The following ABCD3 variants were observed in gnomAD, a reference collection of about 807,000 sequenced individuals.
ABCD3 encodes the protein ATP-binding cassette sub-family D member 3.
Under a neutral mutation model 105.5 loss-of-function variants are expected in ABCD3, and 41 were observed. The observed-to-expected ratio is 0.39, with a 90% CI of 0.30 to 0.50. The LOEUF (loss-of-function observed/expected upper bound fraction) is 0.50, where lower values mean the gene tolerates loss of function less well. Ranked by LOEUF, ABCD3 falls within the 20% of genes least tolerant of loss-of-function variation. ABCD3 has a pLI of 0.84. For missense variants in ABCD3, 622 were observed against 806.3 expected, an observed-to-expected ratio of 0.77 and a Z score of 2.77; for synonymous variants, 258 against 269.0, an observed-to-expected ratio of 0.96 and a Z score of 0.40.
intron 1 of ABCD3, among the ~76,000 whole-genome samples, chr1:94,451,009 GA>G (rs2100939032): frequency 6.6e-6 from 1 of 152,220 alleles, no homozygotes; most frequent in African/African-American, 2.4e-5. Context: ...TTAGCCATGT[GA>G]AATCTCTTAA....
chr1:94,408,453 G>T, the ABCD3 span, among the ~76,000 whole-genome samples: 1 of 152,058 alleles, frequency 6.6e-6, no homozygotes, highest in South Asian at 2.1e-4. Flanking sequence ...AATTAGCTGG[G>T]CGTAGTGGCG....
intron 21 of ABCD3, among the ~76,000 whole-genome samples, chr1:94,510,980 A>T (rs567209749): frequency 6.6e-6 from 1 of 152,166 alleles, no homozygotes; most frequent in South Asian, 2.1e-4. Context: ...TGGAGCATTT[A>T]GTCCATTTAC....
At chr1:94,471,051 C>T (rs1648432226) in intron 4 of ABCD3, among the ~76,000 whole-genome samples, 3 of 152,186 alleles carry the variant, frequency 2.0e-5, no homozygotes, top group Non-Finnish European at 4.4e-5. Flanking sequence ...GCCTTAAACA[C>T]TTACTAGAAG....
intron 20 of ABCD3, 126 bp downstream of exon 20, chr1:94,499,740 T>G (rs1335321986): frequency 1.9e-5 from 23 of 1,230,678 alleles, no homozygotes; most frequent in Non-Finnish European, 2.5e-5. Flanking sequence ...TAGTTTAAAT[T>G]ATCATAAAAG....
At chr1:94,471,300 G>A (rs1648445958) in intron 4 of ABCD3, among the ~76,000 whole-genome samples, 1 of 151,978 alleles carries the variant, frequency 6.6e-6, no homozygotes, top group African/African-American at 2.4e-5. Context: ...GCTCATACCT[G>A]TAATCCCAAC....
chr1:94,471,010 C>G (rs1648430204), intron 4 of ABCD3, among the ~76,000 whole-genome samples: 1 of 152,064 alleles, frequency 6.6e-6, no homozygotes, highest in African/African-American at 2.4e-5. Context: ...TTCTGTGACT[C>G]TTGGCTGTGA....
At chr1:94,397,071 T>A in the ABCD3 span, among the ~76,000 whole-genome samples, 9 of 152,352 alleles carry the variant, frequency 5.9e-5, no homozygotes, top group South Asian at 1.9e-3. Flanking sequence ...CTTTTTTTTA[T>A]TGTGGCACTG....
In ABCD3 at chr1:94,475,647, C is replaced by G. The variant is rs1648704465; in HGVS notation, c.537C>G (p.Asp179Glu). ...CATATTATAAAATGGGGAATCTGGA[C>G]AACAGAATAGCTAATCCAGACCAGC... Reference protein sequence around the residue: ...AFTYYKMGNLDNRIANPDQLL... With the variant: ...AFTYYKMGNLENRIANPDQLL... The change falls in exon 7 of 23, where the codon GAC (aspartate) becomes GAG (glutamate). Residue 179 changes from aspartate (D) to glutamate (E), a missense_variant. This residue lies in a region of ABCD3 where 245 missense variants were observed against 356.4 expected (regional missense o/e 0.69). Coordinates refer to ENST00000370214, the MANE Select transcript of ABCD3 (RefSeq NM_002858.4). The G allele has an allele frequency of 6.2e-7, 1 of 1,612,058 alleles. No homozygotes were observed. Among genetic ancestry groups the G allele is most frequent in the African/African-American group, 1.3e-5 (1 of 74,944 alleles).
chr1:94,516,292 A>G (rs985739085), intron 22 of ABCD3, among the ~76,000 whole-genome samples: 2 of 151,962 alleles, frequency 1.3e-5, no homozygotes, highest in Non-Finnish European at 2.9e-5. Flanking sequence ...GTACTTAATA[A>G]AATTCAGTGA....
At chr1:94,483,330 C>A in intron 10 of ABCD3, 91 bp downstream of exon 10, 1 of 895,696 alleles carries the variant, frequency 1.1e-6, no homozygotes, top group African/African-American at 1.7e-5. Context: ...TACACACACA[C>A]ACAAACACAC....
At chr1:94,426,189 A>G (rs1659462769) in intron 1 of ABCD3, among the ~76,000 whole-genome samples, 1 of 152,228 alleles carries the variant, frequency 6.6e-6, no homozygotes, top group Non-Finnish European at 1.5e-5. Flanking sequence ...TTTTCAATTG[A>G]TAGAATCATT....
intron 21 of ABCD3, among the ~76,000 whole-genome samples, chr1:94,507,173 A>C (rs1457076938): frequency 6.8e-6 from 1 of 148,090 alleles, no homozygotes; most frequent in East Asian, 2.1e-4. Context: ...CCAGAGTGTG[A>C]TGTTCCCCTT....
chr1:94,447,852 G>T (rs1432914537), intron 1 of ABCD3, among the ~76,000 whole-genome samples: 2 of 152,164 alleles, frequency 1.3e-5, no homozygotes, highest in Non-Finnish European at 2.9e-5. Flanking sequence ...AACATTAAAT[G>T]ACTTTCAAAA....
At chr1:94,502,357 G>A (rs1650137285) in intron 20 of ABCD3, among the ~76,000 whole-genome samples, 1 of 152,142 alleles carries the variant, frequency 6.6e-6, no homozygotes, top group Non-Finnish European at 1.5e-5. Flanking sequence ...AGAAAGATAG[G>A]CTATTATTTC....
chr1:94,389,823 G>A, the ABCD3 span, among the ~76,000 whole-genome samples: 90 of 152,254 alleles, frequency 5.9e-4, no homozygotes, highest in African/African-American at 2.0e-3. Context: ...TGGCTGCAGC[G>A]CATATGTCTT....
intron 9 of ABCD3, 92 bp from the exon 10 acceptor site, chr1:94,483,078 A>G (rs1649102556): frequency 1.2e-6 from 1 of 848,854 alleles, no homozygotes; most frequent in African/African-American, 1.7e-5. Flanking sequence ...GTCCATTTAA[A>G]TACAAACATT....
rs1012200313 is a variant in ABCD3, at chr1:94,422,103, T to C, written c.110+3515T>C. Among the ~76,000 whole-genome samples the C allele has an allele frequency of 3.3e-5, 5 of 152,162 alleles. No homozygotes were observed. The East Asian group carries it at 9.6e-4, about 29-fold the overall frequency. On this transcript the variant is annotated intron_variant, in intron 1 of 22. Transcript: ENST00000370214. ...TTTCTTCAAGACTCAGTCAACACTTTGTCTTAGGTGTTTTCTGTCTTTTTC... is the reference window on the plus strand; with the variant it reads ...TTTCTTCAAGACTCAGTCAACACTTCGTCTTAGGTGTTTTCTGTCTTTTTC...
At chr1:94,511,045 T>TG (rs1650644256) in intron 21 of ABCD3, among the ~76,000 whole-genome samples, 1 of 152,140 alleles carries the variant, frequency 6.6e-6, no homozygotes, top group South Asian at 2.1e-4. Context: ...TGATGTTAGC[T>TG]GGTTATTTTG....
upstream of ABCD3, chr1:94,418,362 G>A: frequency 1.1e-6 from 1 of 887,022 alleles, no homozygotes; most frequent in Non-Finnish European, 1.7e-6. Flanking sequence ...GCGGTCCTGC[G>A]CGGCCGGCCC....
Sources: gnomAD v4.1 joint callset for allele counts (sites outside exome capture counted in the v4.1 genomes callset) on GRCh38, gnomAD v4.1.1 for gene constraint, gnomAD v4.1.1 regional missense constraint, MANE v1.5 for transcripts, NCBI Gene and HGNC (gene_info 2026-07-23, HGNC 2026-07-21) for gene names.